Variants in ARHGEF33 observed in about 807,000 individuals in gnomAD.
ARHGEF33 encodes the protein DH and coiled-coil domain-containing protein ENSP00000381780.
In ARHGEF33, 72 loss-of-function variants were observed where a neutral mutation model predicts 101.9. The observed-to-expected ratio is 0.71, with a 90% CI of 0.58 to 0.86. ARHGEF33 has a LOEUF of 0.86. ARHGEF33 is among the 40% of genes least tolerant of loss of function. The pLI, the probability that ARHGEF33 is intolerant of heterozygous loss-of-function variation, is 0.00. For synonymous variants in ARHGEF33, 499 were observed against 442.5 expected, an observed-to-expected ratio of 1.13 and a Z score of -1.60; for missense variants, 1,169 against 1,111.3, an observed-to-expected ratio of 1.05 and a Z score of -0.74.
chr2:38,973,833 C>T lies in ARHGEF33; in HGVS notation c.2603C>T (p.Thr868Ile), dbSNP rs1272324211. The change falls in exon 18 of 18, where the codon ACA becomes ATA. Residue 868 changes from threonine (T) to isoleucine (I), a missense_variant. By Grantham distance (89) the Thr-to-Ile change is moderately conservative. Coordinates refer to ENST00000409978, the MANE Select transcript of ARHGEF33 (RefSeq NM_001145451.5). ...CTTGCAAATGACCTTGACCAAGGAA[C>T]AGCTGTGTAAAACATACTTAAAGTT... The part of the protein sequence containing the change: ...LALANDLDQG[T>I]AV 4 of 1,546,966 alleles carry T rather than the reference C, an allele frequency of 2.6e-6. No homozygotes were observed. The highest frequency in any genetic ancestry group is 3.5e-6 in the Non-Finnish European group (4 of 1,145,164).
At chr2:38,967,377 A>G (rs975715311) in intron 17 of ARHGEF33, among the ~76,000 whole-genome samples, 1 of 152,168 alleles carries the variant, frequency 6.6e-6, no homozygotes, top group Non-Finnish European at 1.5e-5. Context: ...CAGTTTTGCT[A>G]AGGAACCCAG....
intron 2 of ARHGEF33, among the ~76,000 whole-genome samples, chr2:38,905,588 T>C (rs1383088784): frequency 1.3e-5 from 2 of 152,240 alleles, no homozygotes; most frequent in Non-Finnish European, 2.9e-5. Context: ...GATCTCAGTC[T>C]AGTATTCTTC....
chr2:38,895,867 A>C lies in ARHGEF33; in HGVS notation c.-86+18A>C, dbSNP rs1666111354. On this transcript the variant is annotated intron_variant, in intron 2 of 17. Coordinates refer to ENST00000409978, the MANE Select transcript of ARHGEF33 (RefSeq NM_001145451.5). Reference sequence around the variant, plus strand: ...GGCACGAGGTGAGTGAAAATTGCAAAGAACTGTTTTCTAATAAGAACACAG... The same window carrying C: ...GGCACGAGGTGAGTGAAAATTGCAACGAACTGTTTTCTAATAAGAACACAG... 6.6e-6 allele frequency: 1 copy of C among 152,130 alleles called. No homozygotes were observed. The highest frequency in any genetic ancestry group is 2.4e-5 in the African/African-American group (1 of 41,414). The allele number at this position is 152,130 out of a possible 1,614,324, so 9.4% of individuals were successfully genotyped here.
chr2:38,972,131 G>A (rs1668179639), intron 17 of ARHGEF33, among the ~76,000 whole-genome samples: 1 of 152,142 alleles, frequency 6.6e-6, no homozygotes, highest in Non-Finnish European at 1.5e-5. Context: ...TCCTGCCCCT[G>A]ACCTCCTGCC....
At chr2:38,935,656 G>T in intron 7 of ARHGEF33, 119 bp from the exon 8 acceptor site, 4 of 722,146 alleles carry the variant, frequency 5.5e-6, no homozygotes, top group Admixed American at 2.8e-5. Context: ...TTTTTTTACT[G>T]CTCTGCCTCC....
intron 17 of ARHGEF33, among the ~76,000 whole-genome samples, chr2:38,972,354 G>C (rs1248200245): frequency 6.6e-6 from 1 of 152,172 alleles, no homozygotes; most frequent in African/African-American, 2.4e-5. Flanking sequence ...ACTCGGGGGG[G>C]TTCCTGAAAA....
intron 3 of ARHGEF33, among the ~76,000 whole-genome samples, chr2:38,920,730 A>G (rs1034610303): frequency 2.0e-5 from 3 of 152,076 alleles, no homozygotes; most frequent in Non-Finnish European, 4.4e-5. Flanking sequence ...TCTACAACCT[A>G]CCACTTCCTC....
Position 38,958,133 on chromosome 2 carries a change from T to C in ARHGEF33, c.1470T>C (p.Thr490=). Residue 490 remains threonine (T), a synonymous_variant, in exon 15 of 18, where the codon ACT becomes ACC. Transcript: ENST00000409978. The part of the protein sequence containing the change: ...PTAGPEAVRD[T]GIHSEELLQP... Reference sequence around the variant, plus strand: ...CAGGTCCTGAGGCTGTCCGTGACACTGGGATCCACTCAGAAGAGTTGCTGC... The same window carrying C: ...CAGGTCCTGAGGCTGTCCGTGACACCGGGATCCACTCAGAAGAGTTGCTGC... 6.4e-7 allele frequency: 1 copy of C among 1,551,980 alleles called. No homozygotes were observed. The highest frequency in any genetic ancestry group is 8.7e-7 in the Non-Finnish European group (1 of 1,147,060).
chr2:38,911,312 G>C (rs1322778864), intron 2 of ARHGEF33, among the ~76,000 whole-genome samples: 1 of 152,052 alleles, frequency 6.6e-6, no homozygotes, highest in Admixed American at 6.6e-5. Flanking sequence ...AGCATAAAAA[G>C]TTCCCATTCT....
chr2:38,970,706 A>AC (rs1030587372), intron 17 of ARHGEF33, among the ~76,000 whole-genome samples: 11 of 152,346 alleles, frequency 7.2e-5, no homozygotes, highest in African/African-American at 2.6e-4. Context: ...GGATAACCTA[A>AC]CTATTGATAC....
intron 8 of ARHGEF33, among the ~76,000 whole-genome samples, chr2:38,936,181 T>G (rs1572757885): frequency 6.6e-6 from 1 of 152,208 alleles, no homozygotes; most frequent in African/African-American, 2.4e-5. Context: ...AATTCAAAAG[T>G]TACCTACTTT....
intron 11 of ARHGEF33, among the ~76,000 whole-genome samples, chr2:38,951,923 G>A (rs1019862768): frequency 6.6e-6 from 1 of 152,132 alleles, no homozygotes; most frequent in Non-Finnish European, 1.5e-5. Flanking sequence ...ATGCCTATGG[G>A]GCCAGACAGT....
intron 2 of ARHGEF33, among the ~76,000 whole-genome samples, chr2:38,901,332 C>A (rs533551980): frequency 6.6e-6 from 1 of 152,136 alleles, no homozygotes; most frequent in African/African-American, 2.4e-5. Context: ...TCCTTCATCC[C>A]GCTCTAACAC....
At chr2:38,897,923 T>C (rs1666157859) in intron 2 of ARHGEF33, among the ~76,000 whole-genome samples, 1 of 152,190 alleles carries the variant, frequency 6.6e-6, no homozygotes, top group Admixed American at 6.5e-5. Context: ...GTCTTCGTGA[T>C]AGAAGCCCAG....
chr2:38,971,927 A>G (rs1435251307), intron 17 of ARHGEF33: 8 of 718,620 alleles, frequency 1.1e-5, no homozygotes, highest in Non-Finnish European at 1.0e-5. Context: ...GGTGACATCA[A>G]AGCTTTCCTA....
intron 1 of ARHGEF33, among the ~76,000 whole-genome samples, chr2:38,890,564 G>A (rs1665973531): frequency 6.6e-6 from 1 of 152,174 alleles, no homozygotes; most frequent in African/African-American, 2.4e-5. Context: ...GCTTTGGTGT[G>A]TAATGAGAAG....
chr2:38,927,976 A>C (rs1666910971), intron 4 of ARHGEF33, among the ~76,000 whole-genome samples: 1 of 152,302 alleles, frequency 6.6e-6, no homozygotes, highest in Middle Eastern at 3.4e-3. Flanking sequence ...TACCACCTAA[A>C]GGGGGAGAAG....
At chr2:38,892,644 C>T (rs990352772) in intron 1 of ARHGEF33, among the ~76,000 whole-genome samples, 1 of 152,212 alleles carries the variant, frequency 6.6e-6, no homozygotes, top group African/African-American at 2.4e-5. Context: ...ATTATTATAG[C>T]ATATTCAGCC....
At chr2:38,933,790 G>A (rs1466645511) in intron 7 of ARHGEF33, among the ~76,000 whole-genome samples, 2 of 152,174 alleles carry the variant, frequency 1.3e-5, no homozygotes, top group African/African-American at 4.8e-5. Context: ...GATTACATAA[G>A]GACGTAAATG....
Sources: gnomAD v4.1 joint callset for allele counts (sites outside exome capture counted in the v4.1 genomes callset) on GRCh38, gnomAD v4.1.1 for gene constraint, MANE v1.5 for transcripts, NCBI Gene and HGNC (gene_info 2026-07-23, HGNC 2026-07-21) for gene names.